ATRNL1: variants seen among roughly 807,000 people sequenced by gnomAD.
ATRNL1 encodes attractin-like protein 1.
A neutral mutation model predicts 182.7 loss-of-function variants in ATRNL1; 95 were observed. The observed-to-expected ratio is 0.52, with a 90% CI of 0.44 to 0.62. The LOEUF is 0.62. ATRNL1 is among the 20% of genes least tolerant of loss of function. The pLI, the probability that ATRNL1 is intolerant of heterozygous loss-of-function variation, is 0.00. For synonymous variants in ATRNL1, 576 were observed against 568.3 expected (o/e 1.01, Z -0.19); for missense variants, 1,471 against 1,679.5 (o/e 0.88, Z 2.17).
chr10:115,824,135 C>A (rs1950369862), intron 27 of ATRNL1, among the ~76,000 whole-genome samples: 2 of 152,150 alleles, frequency 1.3e-5, no homozygotes, highest in South Asian at 4.1e-4. Context: ...ACCTCTACAA[C>A]CATCTGATGT....
chr10:115,866,607 CA>C (rs1951445224), intron 28 of ATRNL1, among the ~76,000 whole-genome samples: 1 of 152,174 alleles, frequency 6.6e-6, no homozygotes, highest in South Asian at 2.1e-4. Flanking sequence ...GTCTACTCTA[CA>C]GTTTATGCCT....
At chr10:115,636,144 C>T (rs1858854657) in intron 26 of ATRNL1, among the ~76,000 whole-genome samples, 1 of 152,072 alleles carries the variant, frequency 6.6e-6, no homozygotes, top group South Asian at 2.1e-4. Context: ...GTATTTTCTA[C>T]TTCAGTAAAA....
chr10:115,912,686 TAAA>T (rs879962527), intron 28 of ATRNL1, among the ~76,000 whole-genome samples: 1 of 145,860 alleles, frequency 6.9e-6, no homozygotes, highest in African/African-American at 2.5e-5. Flanking sequence ...AGATGAATGG[TAAA>T]AAAAAAAAAT....
At chr10:115,712,859 C>CA (rs1947103734) in intron 26 of ATRNL1, among the ~76,000 whole-genome samples, 1 of 128,816 alleles carries the variant, frequency 7.8e-6, no homozygotes, top group Admixed American at 8.8e-5. Context: ...CAGAGTAAGA[C>CA]AATGTTTCAA....
intron 15 of ATRNL1, among the ~76,000 whole-genome samples, chr10:115,296,593 A>T (rs550157017): frequency 6.6e-6 from 1 of 152,240 alleles, no homozygotes; most frequent in Non-Finnish European, 1.5e-5. Context: ...CCCCATTAAT[A>T]AAACTGATGA....
chr10:115,540,401 A>T (rs559099192), intron 25 of ATRNL1, among the ~76,000 whole-genome samples: 1 of 152,272 alleles, frequency 6.6e-6, no homozygotes, highest in African/African-American at 2.4e-5. Context: ...GAGAATATCA[A>T]CATTATTTAT....
chr10:115,611,243 T>C (rs1204452420), intron 26 of ATRNL1, among the ~76,000 whole-genome samples: 1 of 152,076 alleles, frequency 6.6e-6, no homozygotes, highest in African/African-American at 2.4e-5. Flanking sequence ...AAAAATAATT[T>C]CGTATCTAAT....
intron 9 of ATRNL1, among the ~76,000 whole-genome samples, chr10:115,221,488 TC>T (rs1268351821): frequency 6.6e-6 from 1 of 152,102 alleles, no homozygotes; most frequent in Non-Finnish European, 1.5e-5. Context: ...GACTGTTACT[TC>T]CCCTGAGAAA....
intron 24 of ATRNL1, among the ~76,000 whole-genome samples, chr10:115,500,814 T>C (rs1161217875): frequency 6.6e-6 from 1 of 151,998 alleles, no homozygotes; most frequent in Non-Finnish European, 1.5e-5. Flanking sequence ...GAGCTGGGAT[T>C]ACAGGTGTGA....
intron 20 of ATRNL1, among the ~76,000 whole-genome samples, chr10:115,406,258 G>T (rs1844824673): frequency 6.6e-6 from 1 of 152,118 alleles, no homozygotes; most frequent in Non-Finnish European, 1.5e-5. Flanking sequence ...GATCCCTGAG[G>T]AATCGCCACA....
At chr10:115,120,722 ATGTAT>A (rs1450130082) in intron 2 of ATRNL1, among the ~76,000 whole-genome samples, 1 of 152,128 alleles carries the variant, frequency 6.6e-6, no homozygotes, top group African/African-American at 2.4e-5. Context: ...ATCTATTTAA[ATGTAT>A]TGTGAATGGA....
Position 115,462,049 on chromosome 10 carries a change from G to T in ATRNL1, c.3417+14G>T. On this transcript the variant is annotated intron_variant, in intron 22 of 28. Coordinates refer to ENST00000355044, the MANE Select transcript of ATRNL1 (RefSeq NM_207303.4). ...AACCCAGAACAGGTGAGGAAAAATTGTTATCTTTTAAAGTATAATTATTGG... is the reference window on the plus strand; with the variant it reads ...AACCCAGAACAGGTGAGGAAAAATTTTTATCTTTTAAAGTATAATTATTGG... 3 of 1,567,374 alleles carry T rather than the reference G, an allele frequency of 1.9e-6. No individual in the cohort carries two copies. Among genetic ancestry groups the T allele is most frequent in the Non-Finnish European group, 2.6e-6 (3 of 1,150,020 alleles).
intron 26 of ATRNL1, among the ~76,000 whole-genome samples, chr10:115,673,257 TAAG>T (rs1164572274): frequency 6.6e-6 from 1 of 152,054 alleles, no homozygotes; most frequent in African/African-American, 2.4e-5. Context: ...GAAGTAAAAA[TAAG>T]AAATCTGCAA....
In ATRNL1 at chr10:115,487,578, T is replaced by A. The variant is rs1271009403; in HGVS notation, c.3654+18249T>A. The stretch of plus-strand genomic sequence containing the variant: ...TGCTTATGTTTTTTGCACATTGATT[T>A]TGTATTCGGACACTTTGCTGAAGTT... On this transcript the variant is annotated intron_variant, in intron 24 of 28. Coordinates refer to ENST00000355044, the MANE Select transcript of ATRNL1 (RefSeq NM_207303.4). 3.3e-5 allele frequency among the ~76,000 whole-genome samples: 5 copies of A among 152,216 alleles called. No homozygotes were observed. The East Asian group carries it at 9.6e-4, about 29-fold the overall frequency.
chr10:115,319,318 A>G (rs1046316957), intron 18 of ATRNL1, among the ~76,000 whole-genome samples: 3 of 152,180 alleles, frequency 2.0e-5, no homozygotes, highest in Non-Finnish European at 2.9e-5. Flanking sequence ...TATGTGGTCA[A>G]TTTTAGAATA....
chr10:115,911,208 C>T (rs1443327750), intron 28 of ATRNL1, among the ~76,000 whole-genome samples: 2 of 152,132 alleles, frequency 1.3e-5, no homozygotes, highest in Non-Finnish European at 2.9e-5. Context: ...CCATGTTGCC[C>T]AGGCTGTTCT....
chr10:115,663,266 T>C (rs74158220), intron 26 of ATRNL1, among the ~76,000 whole-genome samples: 1,773 of 152,166 alleles, frequency 0.012, 37 homozygotes, highest in African/African-American at 0.04. Context: ...AGGCAAAACA[T>C]GGATTCAAAT....
chr10:115,408,378 T>A (rs1844963276), intron 20 of ATRNL1, among the ~76,000 whole-genome samples: 1 of 152,214 alleles, frequency 6.6e-6, no homozygotes, highest in Non-Finnish European at 1.5e-5. Flanking sequence ...ATGTCTTGTT[T>A]TGAGAAATGT....
At position 115,152,742 on chromosome 10, in the gene ATRNL1, C is replaced by T. The variant is rs1335843757; in HGVS notation, c.830-7298C>T. Among the ~76,000 whole-genome samples the T allele has an allele frequency of 3.3e-5, 5 of 152,206 alleles. No homozygotes were observed. The East Asian group carries it at 7.7e-4, about 23-fold the overall frequency. On this transcript the variant is annotated intron_variant, in intron 5 of 28. Coordinates refer to ENST00000355044, the MANE Select transcript of ATRNL1 (RefSeq NM_207303.4). Reference sequence around the variant, plus strand: ...GCCTGATTGCCCTGGCCAGAACTTCCAACACTATGTTGAATAAGAGTGGTG... The same window carrying T: ...GCCTGATTGCCCTGGCCAGAACTTCTAACACTATGTTGAATAAGAGTGGTG...
Sources: gnomAD v4.1 joint callset for allele counts (sites outside exome capture counted in the v4.1 genomes callset) on GRCh38, gnomAD v4.1.1 for gene constraint, MANE v1.5 for transcripts, NCBI Gene and HGNC (gene_info 2026-07-23, HGNC 2026-07-21) for gene names.